GABRG3: variants seen among roughly 807,000 people sequenced by gnomAD.
GABRG3 encodes the protein gamma-aminobutyric acid type A receptor subunit gamma3, also known as gamma-aminobutyric acid receptor subunit gamma-3.
In GABRG3, 25 loss-of-function variants were observed where a neutral mutation model predicts 48.8. The observed-to-expected ratio is 0.51, with a 90% CI of 0.37 to 0.72. The LOEUF (loss-of-function observed/expected upper bound fraction) is 0.72. Among genes scored for constraint, GABRG3 ranks in the 30% least tolerant of loss-of-function variants. The pLI is 0.00. For synonymous variants in GABRG3, 227 were observed against 217.6 expected, an observed-to-expected ratio of 1.04 and a Z score of -0.38; for missense variants, 394 against 577.9, an observed-to-expected ratio of 0.68 and a Z score of 3.26.
chr15:26,975,395 C>G lies in GABRG3; in HGVS notation c.54-1607C>G, dbSNP rs922869498. Among the ~76,000 whole-genome samples the G allele has an allele frequency of 1.3e-5, 2 of 152,102 alleles. No individual in the cohort carries two copies. Among genetic ancestry groups the G allele is most frequent in the African/African-American group, 4.8e-5 (2 of 41,420 alleles). The stretch of plus-strand genomic sequence containing the variant: ...TTTAACCTTCTAGCCAATAGGTACT[C>G]AAGAAATAGAGTTATACTTTAAGAT... On this transcript the variant is annotated intron_variant, in intron 1 of 9. Coordinates refer to ENST00000615808, the MANE Select transcript of GABRG3 (RefSeq NM_033223.5). This position sits in a 1 kb window ranked among gnomAD's most constrained non-coding sequence, Gnocchi z 4.6.
chr15:27,258,058 T>C (rs1306632200), intron 3 of GABRG3, among the ~76,000 whole-genome samples: 1 of 152,156 alleles, frequency 6.6e-6, no homozygotes, highest in Admixed American at 6.5e-5. Flanking sequence ...TCCCCACAGC[T>C]TCCTTGGAAA....
intron 3 of GABRG3, among the ~76,000 whole-genome samples, chr15:27,219,992 G>A (rs576992994): frequency 2.0e-5 from 3 of 152,044 alleles, no homozygotes; most frequent in South Asian, 2.1e-4. Context: ...AACTTGGGTC[G>A]GCTCACCCAG....
chr15:27,400,365 G>A (rs921937519), intron 5 of GABRG3, among the ~76,000 whole-genome samples: 1 of 152,144 alleles, frequency 6.6e-6, no homozygotes, highest in Non-Finnish European at 1.5e-5. Flanking sequence ...CTTTAGCAAA[G>A]CACTTTGCAG....
chr15:27,303,552 A>G (rs1222769662), intron 3 of GABRG3, among the ~76,000 whole-genome samples: 1 of 151,850 alleles, frequency 6.6e-6, no homozygotes, highest in East Asian at 1.9e-4. Context: ...TATTTAAAGA[A>G]ATTAGACTAA....
intron 5 of GABRG3, among the ~76,000 whole-genome samples, chr15:27,463,298 A>G (rs1285415286): frequency 6.6e-6 from 1 of 152,244 alleles, no homozygotes; most frequent in Non-Finnish European, 1.5e-5. Context: ...AATGTGAAAC[A>G]AGTACTATAA....
At chr15:26,990,937 T>G (rs748825885) in intron 2 of GABRG3, among the ~76,000 whole-genome samples, 1 of 152,024 alleles carries the variant, frequency 6.6e-6, no homozygotes, top group African/African-American at 2.4e-5. Flanking sequence ...CCTGAGTAGC[T>G]GGGACTACAG....
rs1438973614 is a variant in GABRG3 at position 27,540,090 on chromosome 15, AG to A, written c.*7210del. On this transcript the variant is annotated 3_prime_UTR_variant, in exon 10 of 10. Coordinates refer to ENST00000615808, the MANE Select transcript of GABRG3 (RefSeq NM_033223.5). ...ACTTACATCGTGGAAAAAGCGAAAA[AG>A]TTTCATTAGAGTTTAAACATTAAGT... 1 of 152,234 alleles carries A rather than the reference AG, an allele frequency of 6.6e-6. No homozygotes were observed. The highest frequency in any genetic ancestry group is 1.5e-5 in the Non-Finnish European group (1 of 68,046). 9.4% of individuals were successfully genotyped at this position (152,234 alleles called of 1,614,324 possible).
chr15:27,028,849 C>A (rs1896030549), intron 3 of GABRG3, among the ~76,000 whole-genome samples: 1 of 150,302 alleles, frequency 6.7e-6, no homozygotes. Context: ...GCTAGTCAGA[C>A]CCCTCTCTCC....
At position 27,097,759 on chromosome 15, in the gene GABRG3, C is replaced by T. The variant is rs7179411; in HGVS notation, c.270+70938C>T. ...GGTCAAGGCCAAGCAGGCCACTCAA[C>T]AGCCTGAATATTCAGGAAAGGTCCC... On this transcript the variant is annotated intron_variant, in intron 3 of 9. Coordinates refer to ENST00000615808, the MANE Select transcript of GABRG3 (RefSeq NM_033223.5). Among the ~76,000 whole-genome samples, 506 of 152,178 alleles carry T rather than the reference C, an allele frequency of 3.3e-3. 4 individuals carry two copies. The highest frequency in any genetic ancestry group is 0.011 in the African/African-American group (466 of 41,516).
At chr15:27,022,023 A>G (rs984583480) in intron 2 of GABRG3, among the ~76,000 whole-genome samples, 2 of 152,116 alleles carry the variant, frequency 1.3e-5, no homozygotes, top group African/African-American at 4.8e-5. Context: ...CCATAGGCTC[A>G]TTCCTCTGGG....
intron 3 of GABRG3, among the ~76,000 whole-genome samples, chr15:27,279,834 G>A (rs562752604): frequency 2.6e-5 from 4 of 152,004 alleles, no homozygotes; most frequent in Admixed American, 6.5e-5. Flanking sequence ...ACAGGTTAGC[G>A]TTATGATTAG....
intron 3 of GABRG3, among the ~76,000 whole-genome samples, chr15:27,220,361 A>T (rs892411765): frequency 6.6e-6 from 1 of 152,184 alleles, no homozygotes; most frequent in Non-Finnish European, 1.5e-5. Context: ...TGACCTTAAC[A>T]TATGGTAGTT....
rs1043034829 is a variant in GABRG3, at chr15:27,244,471, C to T, written c.271-82338C>T. Among the ~76,000 whole-genome samples, 6 of 152,336 alleles carry T rather than the reference C, an allele frequency of 3.9e-5. No homozygotes were observed. In the South Asian group the frequency reaches 1.2e-3, roughly 32 times the overall value. ...CTTAGCTAACAGAGAACATATCATG[C>T]CCCATCATGTAACATGGCTTCAACC... On this transcript the variant is annotated intron_variant, in intron 3 of 9. Coordinates refer to ENST00000615808, the MANE Select transcript of GABRG3 (RefSeq NM_033223.5).
rs1054833742 is a variant in GABRG3, at chr15:27,338,996, G to A, written c.574+10108G>A. Reference sequence around the variant, plus strand: ...TACTGCCTAAGTGCACTAATGAGGCGGCCCACTGCCAGGTGGGGCATCCCA... The same window carrying A: ...TACTGCCTAAGTGCACTAATGAGGCAGCCCACTGCCAGGTGGGGCATCCCA... On this transcript the variant is annotated intron_variant, in intron 5 of 9. Coordinates refer to ENST00000615808, the MANE Select transcript of GABRG3 (RefSeq NM_033223.5). Among the ~76,000 whole-genome samples, 4 of 152,256 alleles carry A rather than the reference G, an allele frequency of 2.6e-5. 1 individual carries two copies. The South Asian group carries it at 6.2e-4, about 24-fold the overall frequency.
chr15:26,978,168 T>G (rs1894988130), intron 2 of GABRG3, among the ~76,000 whole-genome samples: 1 of 152,164 alleles, frequency 6.6e-6, no homozygotes, highest in African/African-American at 2.4e-5. Flanking sequence ...CTTCATGTTA[T>G]TTGCCCTTTT....
chr15:27,027,962 C>T (rs984319435), intron 3 of GABRG3, among the ~76,000 whole-genome samples: 2 of 152,232 alleles, frequency 1.3e-5, no homozygotes, highest in Non-Finnish European at 2.9e-5. Context: ...TTATGTCTAA[C>T]ACTCAAAGAA....
rs140609405 is a variant in GABRG3, at chr15:27,329,661, G to T, written c.574+773G>T. On this transcript the variant is annotated intron_variant, in intron 5 of 9. Transcript: ENST00000615808. ...CTTATATTTGTCTCATTGAACCATT[G>T]TAAGATGATTTAATTTTTCGTAGTA... is the stretch of plus-strand genomic sequence containing the variant. Among the ~76,000 whole-genome samples the T allele has an allele frequency of 4.9e-4, 75 of 152,258 alleles. No homozygotes were observed. The East Asian group carries it at 0.012, about 24-fold the overall frequency.
At chr15:27,274,318 A>G (rs1256886234) in intron 3 of GABRG3, among the ~76,000 whole-genome samples, 2 of 152,306 alleles carry the variant, frequency 1.3e-5, no homozygotes, top group South Asian at 2.1e-4. Flanking sequence ...GGTAATTTAT[A>G]AAGAAAAGAG....
chr15:27,106,976 C>T (rs1285702138), intron 3 of GABRG3, among the ~76,000 whole-genome samples: 1 of 151,978 alleles, frequency 6.6e-6, no homozygotes, highest in African/African-American at 2.4e-5. Flanking sequence ...AAAACAATTC[C>T]ATACAGTCTC....
Sources: allele counts gnomAD v4.1 joint callset (sites outside exome capture counted in the v4.1 genomes callset), GRCh38; gene constraint gnomAD v4.1.1; non-coding constraint Gnocchi (gnomAD v3.1); transcripts MANE v1.5; gene names NCBI Gene and HGNC (gene_info 2026-07-23, HGNC 2026-07-21).